The following EXD2 variants were observed in gnomAD, a reference collection of about 807,000 sequenced individuals.
EXD2 encodes exonuclease 3'-5' domain-containing protein 2.
In EXD2, 40 loss-of-function variants were observed where a neutral mutation model predicts 62.5. The ratio of observed to expected loss-of-function variants is 0.64; its 90% CI spans 0.50 to 0.83. The LOEUF is 0.83. Ranked by LOEUF, EXD2 falls within the 40% of genes least tolerant of loss-of-function variation. EXD2 has a pLI of 0.00. For synonymous variants in EXD2, 239 were observed against 291.9 expected, an observed-to-expected ratio of 0.82 and a Z score of 1.85; for missense variants, 671 against 761.8, an observed-to-expected ratio of 0.88 and a Z score of 1.40.
intron 1 of EXD2, among the ~76,000 whole-genome samples, chr14:69,195,709 A>G (rs2042182852): frequency 6.6e-6 from 1 of 152,196 alleles, no homozygotes; most frequent in Non-Finnish European, 1.5e-5. Flanking sequence ...GCCCTAGGCA[A>G]CCACTAATAT....
chr14:69,209,612 C>T lies in EXD2; in HGVS notation c.142C>T (p.Leu48=). Residue 48 remains leucine (L), a synonymous_variant, in exon 3 of 10, where the codon CTG becomes TTG. Transcript: ENST00000685843. ...GACCCAACAGCCACAGCAGAAAGTG[C>T]TGGGCAGTAGAGAGCTGCCCCCTCC... is the stretch of plus-strand genomic sequence containing the variant. The part of the protein sequence containing the change: ...PVTQQPQQKV[L]GSRELPPPED... 1 of 1,550,558 alleles carries T rather than the reference C, an allele frequency of 6.4e-7. No homozygotes were observed. The highest frequency in any genetic ancestry group is 1.2e-5 in the South Asian group (1 of 84,066).
intron 1 of EXD2, among the ~76,000 whole-genome samples, chr14:69,203,305 G>A (rs2042470309): frequency 6.6e-6 from 1 of 151,856 alleles, no homozygotes; most frequent in African/African-American, 2.4e-5. Flanking sequence ...TGAACTCCTG[G>A]GCTCAAGCAG....
At chr14:69,233,868 C>T (rs1021974819) in intron 5 of EXD2, among the ~76,000 whole-genome samples, 15 of 151,224 alleles carry the variant, frequency 9.9e-5, no homozygotes, top group African/African-American at 2.9e-4. Flanking sequence ...TGGGTTCAAG[C>T]GATTCTCCTG....
At position 69,241,878 on chromosome 14, in the gene EXD2, T is replaced by C; in HGVS notation, c.*778T>C. The C allele has an allele frequency of 2.5e-6, 1 of 399,082 alleles. No individual in the cohort carries two copies. Among genetic ancestry groups the C allele is most frequent in the Non-Finnish European group, 4.4e-6 (1 of 226,078 alleles). 24.7% of individuals were successfully genotyped at this position (399,082 alleles called of 1,614,324 possible). On this transcript the variant is annotated 3_prime_UTR_variant, in exon 10 of 10. Coordinates refer to ENST00000685843, the MANE Select transcript of EXD2 (RefSeq NM_001193360.2). ...TTTCATGCTGTTTGTTGCCTGCTTG[T>C]TGCACTCCTCCTGCCCCAGAACTGC... is the stretch of plus-strand genomic sequence containing the variant.
At chr14:69,228,419 T>A (rs1420957669) in intron 3 of EXD2, among the ~76,000 whole-genome samples, 1 of 152,164 alleles carries the variant, frequency 6.6e-6, no homozygotes, top group African/African-American at 2.4e-5. Flanking sequence ...CTTGAACTCC[T>A]GACCTCAGGT....
chr14:69,211,661 T>G (rs911968201), intron 3 of EXD2, among the ~76,000 whole-genome samples: 2 of 152,068 alleles, frequency 1.3e-5, no homozygotes, highest in Non-Finnish European at 2.9e-5. Context: ...TTTTAATCTA[T>G]TCTGTGTAAA....
At chr14:69,216,829 C>T (rs2043001715) in intron 3 of EXD2, among the ~76,000 whole-genome samples, 2 of 152,198 alleles carry the variant, frequency 1.3e-5, no homozygotes, top group South Asian at 4.1e-4. Context: ...ACATAGTTAT[C>T]ATTTTTAATG....
intron 4 of EXD2, among the ~76,000 whole-genome samples, chr14:69,229,751 A>G (rs992397393): frequency 1.3e-5 from 2 of 152,100 alleles, no homozygotes; most frequent in African/African-American, 4.8e-5. Context: ...ATGTTTATGT[A>G]TGGGTCCTCA....
At position 69,241,529 on chromosome 14, in the gene EXD2, A is replaced by G; in HGVS notation, c.*429A>G. 1 of 262,622 alleles carries G rather than the reference A, an allele frequency of 3.8e-6. No individual in the cohort carries two copies. The highest frequency in any genetic ancestry group is 7.1e-6 in the Non-Finnish European group (1 of 140,274). The allele number at this position is 262,622 out of a possible 1,614,324, so 16.3% of individuals were successfully genotyped here. A position where few individuals can be genotyped will look rare whatever the true frequency, so the allele number is the denominator to read the frequency against. ...TCGGTCCTGTTAGGAGGGGAGAAAAAGTTCTTCCAAAGGCTGGAGAAGTGA... is the reference window on the plus strand; with the variant it reads ...TCGGTCCTGTTAGGAGGGGAGAAAAGGTTCTTCCAAAGGCTGGAGAAGTGA... On this transcript the variant is annotated 3_prime_UTR_variant, in exon 10 of 10. Transcript: ENST00000685843.
intron 6 of EXD2, 141 bp from the exon 7 acceptor site, chr14:69,235,905 C>CTCTGTTTT (rs1491106300): frequency 2.7e-6 from 2 of 743,122 alleles, no homozygotes; most frequent in Non-Finnish European, 4.9e-6. Flanking sequence ...TGGTTTCTCA[C>CTCTGTTTT]TCTGTTTTTT....
chr14:69,226,673 G>A (rs545917300), intron 3 of EXD2, among the ~76,000 whole-genome samples: 5 of 152,250 alleles, frequency 3.3e-5, no homozygotes, highest in Admixed American at 2.0e-4. Flanking sequence ...GCTTGAACCC[G>A]GGAGGGAGAG....
intron 2 of EXD2, among the ~76,000 whole-genome samples, chr14:69,206,826 ATTTC>A (rs1039745408): frequency 1.3e-5 from 2 of 151,794 alleles, no homozygotes; most frequent in African/African-American, 4.8e-5. Flanking sequence ...GCACCTGATG[ATTTC>A]TTTCTTTCTT....
intron 5 of EXD2, among the ~76,000 whole-genome samples, chr14:69,234,069 C>T (rs2043685675): frequency 1.3e-5 from 2 of 152,102 alleles, no homozygotes; most frequent in South Asian, 4.1e-4. Context: ...ACCTGGCCCA[C>T]AGTACTTTTC....
intron 3 of EXD2, among the ~76,000 whole-genome samples, chr14:69,220,268 T>G (rs1427932841): frequency 3.9e-5 from 4 of 103,688 alleles, no homozygotes; most frequent in South Asian, 3.6e-4. Context: ...TTTTTTTTTT[T>G]TTTTTTTTTT....
chr14:69,206,109 C>T (rs1213716193), intron 2 of EXD2, among the ~76,000 whole-genome samples: 6 of 151,736 alleles, frequency 4.0e-5, no homozygotes, highest in Non-Finnish European at 5.9e-5. Context: ...AGTAGAGAGA[C>T]GGGCTTTCAC....
intron 8 of EXD2, 61 bp from the exon 9 acceptor site, chr14:69,237,514 G>A (rs1479384689): frequency 3.3e-6 from 5 of 1,518,984 alleles, no homozygotes; most frequent in Non-Finnish European, 4.6e-6. Context: ...CCTGTCTGCT[G>A]TCTTCCCATG....
At chr14:69,214,621 G>GT (rs1397383013) in intron 3 of EXD2, among the ~76,000 whole-genome samples, 1 of 152,128 alleles carries the variant, frequency 6.6e-6, no homozygotes, top group Non-Finnish European at 1.5e-5. Context: ...GTCAAGAAAC[G>GT]TAAGATTGCT....
At chr14:69,239,557 A>T (rs2043914160) in intron 9 of EXD2, among the ~76,000 whole-genome samples, 3 of 152,220 alleles carry the variant, frequency 2.0e-5, no homozygotes, top group African/African-American at 7.2e-5. Flanking sequence ...AACTTCACAT[A>T]AATTGCCTTA....
intron 1 of EXD2, chr14:69,192,051 C>T (rs2042046906): frequency 6.6e-6 from 1 of 152,292 alleles, no homozygotes; most frequent in Non-Finnish European, 1.5e-5. Flanking sequence ...TGAGCCGCCA[C>T]CCTCGCTACC....
Sources: allele counts gnomAD v4.1 joint callset (sites outside exome capture counted in the v4.1 genomes callset), GRCh38; gene constraint gnomAD v4.1.1; transcripts MANE v1.5; gene names NCBI Gene and HGNC (gene_info 2026-07-23, HGNC 2026-07-21).